Variants in CTNNA3 observed in about 807,000 individuals in gnomAD.
CTNNA3 encodes catenin alpha-3.
CTNNA3 carries 76 observed loss-of-function variants against 95.7 expected under a neutral mutation model. The observed-to-expected ratio is 0.79, with a 90% confidence interval of 0.66 to 0.96. The LOEUF (loss-of-function observed/expected upper bound fraction) is 0.96. Ranked by LOEUF, CTNNA3 falls within the 40% of genes least tolerant of loss-of-function variation. The pLI, the probability that CTNNA3 is intolerant of heterozygous loss-of-function variation, is 0.00. For missense variants in CTNNA3, 1,191 were observed against 1,089.8 expected (o/e 1.09, Z -1.31); for synonymous variants, 431 against 374.4 (o/e 1.15, Z -1.74).
intron 9 of CTNNA3, among the ~76,000 whole-genome samples, chr10:66,673,177 GA>G (rs1846725692): frequency 6.6e-6 from 1 of 152,026 alleles, no homozygotes; most frequent in Admixed American, 6.6e-5. Context: ...CAAATAGCAT[GA>G]AAAATATTTG....
intron 9 of CTNNA3, among the ~76,000 whole-genome samples, chr10:66,709,921 T>C (rs1848238315): frequency 6.6e-6 from 1 of 152,182 alleles, no homozygotes; most frequent in Admixed American, 6.6e-5. Flanking sequence ...ATTATGATAT[T>C]TGAAATGCTA....
intron 5 of CTNNA3, among the ~76,000 whole-genome samples, chr10:67,397,574 TG>T (rs1844752797): frequency 1.3e-5 from 2 of 152,204 alleles, no homozygotes; most frequent in African/African-American, 2.4e-5. Context: ...GCCCATTTTC[TG>T]GGGAGAAATT....
At chr10:67,414,647 C>G (rs953567172) in intron 5 of CTNNA3, among the ~76,000 whole-genome samples, 1 of 152,188 alleles carries the variant, frequency 6.6e-6, no homozygotes, top group Non-Finnish European at 1.5e-5. Flanking sequence ...AAACTTCAGA[C>G]TAATATCCCT....
At chr10:67,160,233 G>T (rs1176792623) in intron 7 of CTNNA3, among the ~76,000 whole-genome samples, 1 of 152,026 alleles carries the variant, frequency 6.6e-6, no homozygotes, top group African/African-American at 2.4e-5. Context: ...TATTGAGGAG[G>T]ATGTGAAGGA....
chr10:66,746,530 T>G (rs1235280807), intron 9 of CTNNA3, among the ~76,000 whole-genome samples: 4 of 152,232 alleles, frequency 2.6e-5, no homozygotes, highest in Non-Finnish European at 4.4e-5. Flanking sequence ...CATAGCATTT[T>G]TTTTCCTTTT....
At chr10:67,401,963 T>C (rs1180204782) in intron 5 of CTNNA3, among the ~76,000 whole-genome samples, 1 of 152,144 alleles carries the variant, frequency 6.6e-6, no homozygotes, top group Non-Finnish European at 1.5e-5. Flanking sequence ...TACACCACAA[T>C]TAAAAGAATA....
At chr10:65,998,224 T>C (rs1385767126) in intron 15 of CTNNA3, among the ~76,000 whole-genome samples, 1 of 152,190 alleles carries the variant, frequency 6.6e-6, no homozygotes, top group Non-Finnish European at 1.5e-5. Context: ...AAGAACAGCA[T>C]TTCTGTGAGA....
chr10:66,048,636 C>T (rs2079881877), intron 15 of CTNNA3, among the ~76,000 whole-genome samples: 1 of 152,090 alleles, frequency 6.6e-6, no homozygotes, highest in African/African-American at 2.4e-5. Context: ...TGGTGGGTGC[C>T]TGTAGTCCCA....
chr10:67,149,580 G>A (rs976096455), intron 7 of CTNNA3, among the ~76,000 whole-genome samples: 23 of 151,986 alleles, frequency 1.5e-4, no homozygotes, highest in African/African-American at 5.1e-4. Context: ...GATAGACTCC[G>A]TCTCAAAAAA....
intron 5 of CTNNA3, among the ~76,000 whole-genome samples, chr10:67,488,690 A>C (rs1181033018): frequency 1.2e-5 from 1 of 81,848 alleles, no homozygotes; most frequent in African/African-American, 1.6e-4. Flanking sequence ...TTTTTTTTTG[A>C]GACAAAGTCC....
intron 6 of CTNNA3, among the ~76,000 whole-genome samples, chr10:67,193,649 T>C (rs1443091782): frequency 1.3e-5 from 2 of 152,086 alleles, no homozygotes; most frequent in African/African-American, 4.8e-5. Flanking sequence ...GCTCCATCCA[T>C]GTTCCTGCAA....
chr10:67,133,139 A>T (rs1160725107), intron 7 of CTNNA3, among the ~76,000 whole-genome samples: 1 of 151,598 alleles, frequency 6.6e-6, no homozygotes, highest in Non-Finnish European at 1.5e-5. Flanking sequence ...CCCTAACTTG[A>T]TCATGACACA....
At chr10:67,646,193 T>C (rs929088590) in intron 2 of CTNNA3, among the ~76,000 whole-genome samples, 1 of 150,906 alleles carries the variant, frequency 6.6e-6, no homozygotes, top group Non-Finnish European at 1.5e-5. Flanking sequence ...TTTCTTTTTT[T>C]TTTTTTTTAA....
chr10:66,372,170 A>G lies in CTNNA3; in HGVS notation c.1732+6982T>C, dbSNP rs541725975. On this transcript the variant is annotated intron_variant, in intron 12 of 17. Coordinates refer to ENST00000433211, the MANE Select transcript of CTNNA3 (RefSeq NM_013266.4). ...TTTTCTGCCTAATTTAGCCATTCTT[A>G]ATTTCAGTTCTTTGCAACCCAGAAC... 2.0e-5 allele frequency among the ~76,000 whole-genome samples: 3 copies of G among 152,222 alleles called. No homozygotes were observed. The South Asian group carries it at 6.2e-4, about 32-fold the overall frequency.
At chr10:66,970,933 A>G (rs1304668796) in intron 7 of CTNNA3, among the ~76,000 whole-genome samples, 1 of 152,178 alleles carries the variant, frequency 6.6e-6, no homozygotes, top group Non-Finnish European at 1.5e-5. Context: ...ACCAAGTGAA[A>G]TAGAAAGAAG....
chr10:67,703,254 G>A (rs2133604920), intron 1 of CTNNA3, among the ~76,000 whole-genome samples: 1 of 152,180 alleles, frequency 6.6e-6, no homozygotes, highest in African/African-American at 2.4e-5. Flanking sequence ...GAAAAAGAGG[G>A]AATCCTCCCT....
At chr10:66,648,921 G>A (rs1299923872) in intron 9 of CTNNA3, among the ~76,000 whole-genome samples, 2 of 152,122 alleles carry the variant, frequency 1.3e-5, no homozygotes, top group Non-Finnish European at 2.9e-5. Flanking sequence ...GGGTTGTTAA[G>A]GCAAAGAAAT....
At chr10:66,734,613 C>A (rs1849070416) in intron 9 of CTNNA3, among the ~76,000 whole-genome samples, 1 of 152,090 alleles carries the variant, frequency 6.6e-6, no homozygotes, top group Non-Finnish European at 1.5e-5. Context: ...CCTGTAATCC[C>A]AGTGCTCTGG....
At chr10:67,114,117 GA>G (rs996851448) in intron 7 of CTNNA3, among the ~76,000 whole-genome samples, 1 of 151,130 alleles carries the variant, frequency 6.6e-6, no homozygotes, top group Non-Finnish European at 1.5e-5. Context: ...TGCAAGAAAA[GA>G]AAAAAAATTA....
Sources: gnomAD v4.1 joint callset for allele counts (sites outside exome capture counted in the v4.1 genomes callset) on GRCh38, gnomAD v4.1.1 for gene constraint, MANE v1.5 for transcripts, NCBI Gene and HGNC (gene_info 2026-07-23, HGNC 2026-07-21) for gene names.